ZFPM2: variants seen among roughly 807,000 people sequenced by gnomAD.
The protein encoded by ZFPM2 is zinc finger protein, FOG family member 2.
Under a neutral mutation model 98.6 loss-of-function variants are expected in ZFPM2, and 20 were observed. The observed-to-expected ratio is 0.20, with a 90% CI of 0.14 to 0.29. The LOEUF (loss-of-function observed/expected upper bound fraction) is 0.29, where lower values mean the gene tolerates loss of function less well. Among genes scored for constraint, ZFPM2 ranks in the 10% least tolerant of loss-of-function variants. ZFPM2 has a pLI of 1.00. For synonymous variants in ZFPM2, 518 were observed against 502.7 expected (o/e 1.03, Z -0.41); for missense variants, 1,310 against 1,388.6 (o/e 0.94, Z 0.90).
intron 3 of ZFPM2, among the ~76,000 whole-genome samples, chr8:105,556,306 A>T (rs1266903547): frequency 6.6e-6 from 1 of 152,176 alleles, no homozygotes; most frequent in East Asian, 1.9e-4. Flanking sequence ...AGGGCACGTG[A>T]CCACAAGCAG....
chr8:105,393,924 C>T (rs530642199), intron 1 of ZFPM2, among the ~76,000 whole-genome samples: 11 of 142,824 alleles, frequency 7.7e-5, no homozygotes, highest in East Asian at 2.0e-4. Flanking sequence ...GATGGAGTCT[C>T]GCTCTGTCAC....
intron 5 of ZFPM2, among the ~76,000 whole-genome samples, chr8:105,707,064 G>A (rs28409758): frequency 0.13 from 19,395 of 151,786 alleles, 1,528 homozygotes; most frequent in South Asian, 0.29. Context: ...AACATAAGGA[G>A]ACCTCATCTC....
chr8:105,792,752 T>TATG (rs1241133146), intron 6 of ZFPM2, among the ~76,000 whole-genome samples: 18 of 152,218 alleles, frequency 1.2e-4, no homozygotes, highest in African/African-American at 2.4e-5. Context: ...CGACTTGCTT[T>TATG]ATGAATCTGG....
At chr8:105,780,496 C>T (rs1423448232) in intron 5 of ZFPM2, 4 of 152,196 alleles carry the variant, frequency 2.6e-5, no homozygotes, top group African/African-American at 4.8e-5. Flanking sequence ...TGCAAGATGA[C>T]GCTCAGTCGT....
rs201729935 is a variant in ZFPM2, at chr8:105,803,168, A to T, written c.3086A>T (p.Lys1029Ile). 2.5e-4 allele frequency: 403 copies of T among 1,613,796 alleles called. No homozygotes were observed. The highest frequency in any genetic ancestry group is 3.2e-4 in the Non-Finnish European group (378 of 1,179,846). ...ASSNGCAALK[K>I]DSLPLLPKNR... ...TCAAATGGGTGTGCTGCGCTGAAGA[A>T]AGATTCTCTGCCATTGTTGCCCAAA... Residue 1029 changes from lysine to isoleucine, a missense_variant, in exon 8 of 8, where the codon AAA becomes ATA. Physicochemically the swap from Lys to Ile is moderately radical, Grantham distance 102. Coordinates refer to ENST00000407775, the MANE Select transcript of ZFPM2 (RefSeq NM_012082.4).
intron 5 of ZFPM2, among the ~76,000 whole-genome samples, chr8:105,765,391 C>T (rs1196370930): frequency 1.3e-5 from 2 of 151,804 alleles, no homozygotes; most frequent in African/African-American, 4.8e-5. Context: ...CTGCATTTAG[C>T]CACAGTATGC....
At chr8:105,689,008 T>C (rs190648219) in intron 5 of ZFPM2, among the ~76,000 whole-genome samples, 48 of 152,278 alleles carry the variant, frequency 3.2e-4, no homozygotes, top group Admixed American at 2.9e-3. Context: ...TGACCTTTCT[T>C]CCATCCTTCA....
At chr8:105,580,819 C>A (rs1391415803) in intron 4 of ZFPM2, among the ~76,000 whole-genome samples, 160 of 115,014 alleles carry the variant, frequency 1.4e-3, no homozygotes, top group Middle Eastern at 4.6e-3. Flanking sequence ...CTCTCTCTCT[C>A]TCTCTCTCTA....
At position 105,510,133 on chromosome 8, in the gene ZFPM2, A is replaced by G. The variant is rs148161651; in HGVS notation, c.302-51230A>G. Among the ~76,000 whole-genome samples, 359 of 152,230 alleles carry G rather than the reference A, an allele frequency of 2.4e-3. 3 individuals are homozygous for G. The highest frequency in any genetic ancestry group is 8.4e-3 in the African/African-American group (348 of 41,522). On this transcript the variant is annotated intron_variant, in intron 3 of 7. Transcript: ENST00000407775. ...CAACATTTAATATTGAGCTGTTCAT[A>G]CCCTTTATGTGGTCTTACCCTTCTT...
chr8:105,535,424 T>G (rs1410321870), intron 3 of ZFPM2, among the ~76,000 whole-genome samples: 1 of 152,068 alleles, frequency 6.6e-6, no homozygotes, highest in African/African-American at 2.4e-5. Context: ...AGAAAACTGT[T>G]GGGGAAATGT....
intron 5 of ZFPM2, among the ~76,000 whole-genome samples, chr8:105,734,523 C>T (rs1812023550): frequency 6.6e-6 from 1 of 151,852 alleles, no homozygotes; most frequent in African/African-American, 2.4e-5. Flanking sequence ...ATGGTTAATT[C>T]CTCCATTTTG....
At chr8:105,562,544 G>C (rs192741626) in intron 4 of ZFPM2, among the ~76,000 whole-genome samples, 67 of 152,196 alleles carry the variant, frequency 4.4e-4, no homozygotes, top group African/African-American at 1.6e-3. Flanking sequence ...GTGTCTGCAG[G>C]TCTGAACTCC....
At chr8:105,409,252 G>T (rs767814869) in intron 1 of ZFPM2, among the ~76,000 whole-genome samples, 34 of 151,820 alleles carry the variant, frequency 2.2e-4, no homozygotes, top group Non-Finnish European at 4.9e-4. Context: ...TTGACATACT[G>T]TCCCCTAGCT....
At chr8:105,418,646 C>T (rs537945374) in intron 1 of ZFPM2, 3 of 514,892 alleles carry the variant, frequency 5.8e-6, no homozygotes, top group African/African-American at 5.8e-5. Flanking sequence ...ATAATGAAAT[C>T]TTTTCTCAGA....
At chr8:105,382,374 C>CT (rs1485208362) in intron 1 of ZFPM2, among the ~76,000 whole-genome samples, 6 of 151,616 alleles carry the variant, frequency 4.0e-5, no homozygotes, top group Non-Finnish European at 7.4e-5. Context: ...TCCTGTATGT[C>CT]TAATATGATG....
intron 4 of ZFPM2, among the ~76,000 whole-genome samples, chr8:105,632,653 A>G (rs968784236): frequency 1.3e-5 from 2 of 152,234 alleles, no homozygotes; most frequent in African/African-American, 4.8e-5. Context: ...CAGACTGATA[A>G]CAATAGGGAT....
intron 5 of ZFPM2, among the ~76,000 whole-genome samples, chr8:105,667,667 T>C (rs1279230701): frequency 2.0e-5 from 3 of 152,098 alleles, no homozygotes; most frequent in Admixed American, 2.0e-4. Context: ...CAAAACAACA[T>C]AGGACAGCAA....
chr8:105,458,731 A>G (rs1014806380), intron 3 of ZFPM2, among the ~76,000 whole-genome samples: 2 of 152,200 alleles, frequency 1.3e-5, no homozygotes, highest in African/African-American at 2.4e-5. Context: ...AATTAAAAGA[A>G]AAGCAAGCCA....
At chr8:105,500,786 G>T (rs376742208) in intron 3 of ZFPM2, among the ~76,000 whole-genome samples, 62 of 152,180 alleles carry the variant, frequency 4.1e-4, no homozygotes, top group African/African-American at 1.5e-3. Flanking sequence ...TATTTTATGT[G>T]TGTACTTTAG....
Sources: gnomAD v4.1 joint callset for allele counts (sites outside exome capture counted in the v4.1 genomes callset) on GRCh38, gnomAD v4.1.1 for gene constraint, MANE v1.5 for transcripts, NCBI Gene and HGNC (gene_info 2026-07-23, HGNC 2026-07-21) for gene names.